G6PC1: variants seen among roughly 807,000 people sequenced by gnomAD.
G6PC1 encodes the protein glucose-6-phosphatase catalytic subunit 1, also known as G-6-Pase.
A neutral mutation model predicts 30.4 loss-of-function variants in G6PC1; 23 were observed. That is an observed-to-expected ratio of 0.76 (90% CI 0.55 to 1.07). The LOEUF is 1.07. Ranked by LOEUF, G6PC1 falls within the 50% of genes least tolerant of loss-of-function variation. The pLI, the probability that G6PC1 is intolerant of heterozygous loss-of-function variation, is 0.00. For missense variants in G6PC1, 391 were observed against 433.9 expected (o/e 0.90, Z 0.88); for synonymous variants, 163 against 175.6 (o/e 0.93, Z 0.57).
rs1310542864 is a variant in G6PC1, at chr17:42,911,247, A to G, written c.895A>G (p.Ile299Val). The G allele has an allele frequency of 7.4e-6, 12 of 1,614,032 alleles. No individual in the cohort carries two copies. Among genetic ancestry groups the G allele is most frequent in the African/African-American group, 2.7e-5 (2 of 74,918 alleles). ...GTGGCTCCCATTCCGCCTCAGCTCT[A>G]TTGTAGCCTCCCTCGTCCTCCTGCA... ...SKWLPFRLSS[I>V]VASLVLLHVF... Residue 299 changes from isoleucine to valine, a missense_variant, in exon 5 of 5, where the codon ATT (isoleucine) becomes GTT (valine). By Grantham distance (29) the Ile-to-Val change is conservative. Coordinates refer to ENST00000253801, the MANE Select transcript of G6PC1 (RefSeq NM_000151.4).
At position 42,911,129 on chromosome 17, in the gene G6PC1, C is replaced by T; in HGVS notation, c.777C>T (p.Ala259=). 1 of 1,614,150 alleles carries T rather than the reference C, an allele frequency of 6.2e-7. No homozygotes were observed. The highest frequency in any genetic ancestry group is 8.5e-7 in the Non-Finnish European group (1 of 1,180,010). The part of the protein sequence containing the change: ...EWVHIDTTPF[A]SLLKNLGTLF... The stretch of plus-strand genomic sequence containing the variant: ...TCCACATTGACACCACACCCTTTGC[C>T]AGCCTCCTCAAGAACCTGGGCACGC... Residue 259 remains alanine (A), a synonymous_variant, in exon 5 of 5, where the codon GCC becomes GCT. Transcript: ENST00000253801.
intron 2 of G6PC1, among the ~76,000 whole-genome samples, chr17:42,906,438 G>A (rs2056062634): frequency 6.6e-6 from 1 of 152,156 alleles, no homozygotes; most frequent in African/African-American, 2.4e-5. Flanking sequence ...CTTTAGCCCA[G>A]GGCAATGCCA....
At chr17:42,906,224 G>A (rs776240473) in intron 2 of G6PC1, among the ~76,000 whole-genome samples, 5 of 151,978 alleles carry the variant, frequency 3.3e-5, no homozygotes, top group Non-Finnish European at 5.9e-5. Context: ...GGAGATTCAC[G>A]TGCAGGAGTT....
rs748610705 is a variant in G6PC1 at position 42,911,132 on chromosome 17, C to T, written c.780C>T (p.Ser260=). 1.9e-6 allele frequency: 3 copies of T among 1,614,006 alleles called. No homozygotes were observed. In the African/African-American group the frequency reaches 4.0e-5, roughly 22 times the overall value. The change falls in exon 5 of 5, where the codon AGC becomes AGT. Residue 260 remains serine, a synonymous_variant. Coordinates refer to ENST00000253801, the MANE Select transcript of G6PC1 (RefSeq NM_000151.4). ...ACATTGACACCACACCCTTTGCCAGCCTCCTCAAGAACCTGGGCACGCTCT... is the reference window on the plus strand; with the variant it reads ...ACATTGACACCACACCCTTTGCCAGTCTCCTCAAGAACCTGGGCACGCTCT... The part of the protein sequence containing the change: ...WVHIDTTPFA[S]LLKNLGTLFG...
chr17:42,910,820 A>G (rs2056090166), intron 4 of G6PC1, 95 bp from the exon 5 acceptor site: 1 of 1,200,774 alleles, frequency 8.3e-7, no homozygotes, highest in South Asian at 1.2e-5. Context: ...CCACAGTCGC[A>G]GAACGGATGG....
intron 2 of G6PC1, 143 bp from the exon 3 acceptor site, chr17:42,907,380 T>C (rs1403481176): frequency 3.1e-6 from 2 of 648,536 alleles, no homozygotes; most frequent in Non-Finnish European, 5.5e-6. Flanking sequence ...GGATGGGGGG[T>C]GAACGGATGG....
intron 1 of G6PC1, among the ~76,000 whole-genome samples, chr17:42,901,598 G>A (rs938354835): frequency 1.3e-5 from 2 of 151,858 alleles, no homozygotes; most frequent in African/African-American, 2.4e-5. Context: ...TGTTGGTGCT[G>A]TAGTCCCAGC....
chr17:42,901,128 G>C (rs2056023527), intron 1 of G6PC1, 22 bp downstream of exon 1: 1 of 1,589,918 alleles, frequency 6.3e-7, no homozygotes, highest in Non-Finnish European at 8.6e-7. Context: ...ATAGAGAGGA[G>C]ATCAGCAAGA....
At chr17:42,904,095 T>C (rs2151930063) in intron 2 of G6PC1, 55 bp downstream of exon 2, 2 of 1,164,254 alleles carry the variant, frequency 1.7e-6, no homozygotes, top group South Asian at 1.2e-5. Context: ...TTACCTGTTA[T>C]GGATGAAACT....
At chr17:42,906,346 G>A (rs1349912935) in intron 2 of G6PC1, among the ~76,000 whole-genome samples, 2 of 152,104 alleles carry the variant, frequency 1.3e-5, no homozygotes, top group African/African-American at 4.8e-5. Context: ...TCTGAAGCTG[G>A]GGATGGCTCC....
chr17:42,911,587 C>A lies in G6PC1; in HGVS notation c.*161C>A. ...GATGGCAGATTGGAGGGTCGCCTGG[C>A]TTATTCCCATGTGTGACTCCAGCCT... On this transcript the variant is annotated 3_prime_UTR_variant, in exon 5 of 5. Coordinates refer to ENST00000253801, the MANE Select transcript of G6PC1 (RefSeq NM_000151.4). 9.4e-7 allele frequency: 1 copy of A among 1,060,022 alleles called. No individual in the cohort carries two copies. The highest frequency in any genetic ancestry group is 1.4e-6 in the Non-Finnish European group (1 of 721,956). 65.7% of individuals were successfully genotyped at this position (1,060,022 alleles called of 1,614,324 possible).
At chr17:42,909,523 A>G in intron 4 of G6PC1, 105 bp downstream of exon 4, 1 of 840,692 alleles carries the variant, frequency 1.2e-6, no homozygotes, top group East Asian at 2.4e-5. Flanking sequence ...GTGTGTAATC[A>G]GTACTGTTAG....
chr17:42,904,161 A>AT, intron 2 of G6PC1, 121 bp downstream of exon 2: 1 of 754,166 alleles, frequency 1.3e-6, no homozygotes, highest in Non-Finnish European at 2.4e-6. Context: ...ATGCTCTTCA[A>AT]TTGGCACAAA....
At chr17:42,901,696 C>T (rs904425686) in intron 1 of G6PC1, among the ~76,000 whole-genome samples, 55 of 147,922 alleles carry the variant, frequency 3.7e-4, no homozygotes, top group Non-Finnish European at 6.7e-4. Context: ...CAGAGTAAGA[C>T]CCTGTCTCAA....
At position 42,900,958 on chromosome 17, in the gene G6PC1, G is replaced by A. The variant is rs750711451; in HGVS notation, c.82G>A (p.Asp28Asn). 1.2e-4 allele frequency: 193 copies of A among 1,614,018 alleles called. No homozygotes were observed. The highest frequency in any genetic ancestry group is 1.6e-4 in the Non-Finnish European group (187 of 1,180,032). ...CCAGGTGAATTACCAAGACTCCCAG[G>A]ACTGGTTCATCTTGGTGTCCGTGAT... is the stretch of plus-strand genomic sequence containing the variant. ...YLQVNYQDSQ[D>N]WFILVSVIAD... The change falls in exon 1 of 5, where the codon GAC (aspartate) becomes AAC (asparagine). Residue 28 changes from aspartate to asparagine, a missense_variant. Physicochemically the swap from Asp to Asn is conservative, Grantham distance 23. Coordinates refer to ENST00000253801, the MANE Select transcript of G6PC1 (RefSeq NM_000151.4).
In G6PC1 at chr17:42,900,859, G is replaced by A. The variant is rs779355487; in HGVS notation, c.-18G>A. ...AAGGGCTCTGCTGACATCTTCCTGA[G>A]GTGCCAAGGAAATGAGGATGGAGGA... On this transcript the variant is annotated 5_prime_UTR_variant, in exon 1 of 5. Coordinates refer to ENST00000253801, the MANE Select transcript of G6PC1 (RefSeq NM_000151.4). The A allele has an allele frequency of 1.2e-6, 2 of 1,604,086 alleles. No homozygotes were observed. Among genetic ancestry groups the A allele is most frequent in the Non-Finnish European group, 1.7e-6 (2 of 1,170,976 alleles).
rs2056097406 is a variant in G6PC1, at chr17:42,911,622, A to G, written c.*196A>G. 2 of 733,290 alleles carry G rather than the reference A, an allele frequency of 2.7e-6. No homozygotes were observed. Among genetic ancestry groups the G allele is most frequent in the South Asian group, 3.5e-5 (2 of 57,566 alleles). 45.4% of individuals were successfully genotyped at this position (733,290 alleles called of 1,614,324 possible). A position where few individuals can be genotyped will look rare whatever the true frequency, so the allele number is the denominator to read the frequency against. On this transcript the variant is annotated 3_prime_UTR_variant, in exon 5 of 5. Coordinates refer to ENST00000253801, the MANE Select transcript of G6PC1 (RefSeq NM_000151.4). Reference sequence around the variant, plus strand: ...TGTGTGACTCCAGCCTGCCCTCAGCACAGACTCTTTCAGATGGAGGTGCCA... The same window carrying G: ...TGTGTGACTCCAGCCTGCCCTCAGCGCAGACTCTTTCAGATGGAGGTGCCA...
At position 42,911,478 on chromosome 17, in the gene G6PC1, G is replaced by A; in HGVS notation, c.*52G>A. The stretch of plus-strand genomic sequence containing the variant: ...GTCAACAACCATGCCAGGGATTGAG[G>A]AGGACTACTATTTGAAGCAATGGGC... On this transcript the variant is annotated 3_prime_UTR_variant, in exon 5 of 5. Transcript: ENST00000253801. The A allele has an allele frequency of 1.2e-6, 2 of 1,612,454 alleles. No homozygotes were observed. Among genetic ancestry groups the A allele is most frequent in the Non-Finnish European group, 1.7e-6 (2 of 1,179,578 alleles).
chr17:42,901,222 T>A (rs574186730), intron 1 of G6PC1, 116 bp downstream of exon 1: 7 of 854,778 alleles, frequency 8.2e-6, no homozygotes, highest in South Asian at 8.1e-5. Context: ...GGGCTACTCA[T>A]GCTTCCAACC....
Sources: gnomAD v4.1 joint callset for allele counts (sites outside exome capture counted in the v4.1 genomes callset) on GRCh38, gnomAD v4.1.1 for gene constraint, MANE v1.5 for transcripts, NCBI Gene and HGNC (gene_info 2026-07-23, HGNC 2026-07-21) for gene names.